ARHGEF7: variants seen among roughly 807,000 people sequenced by gnomAD.
ARHGEF7 encodes the protein PAK-interacting exchange factor beta.
A neutral mutation model predicts 109.8 loss-of-function variants in ARHGEF7; 33 were observed. The ratio of observed to expected loss-of-function variants is 0.30; its 90% confidence interval spans 0.23 to 0.40. The LOEUF is 0.40. Among genes scored for constraint, ARHGEF7 ranks in the 10% least tolerant of loss-of-function variants. ARHGEF7 has a pLI of 1.00. For synonymous variants in ARHGEF7, 458 were observed against 424.6 expected (o/e 1.08, Z -0.97); for missense variants, 938 against 1,098.5 (o/e 0.85, Z 2.07).
At chr13:111,294,046 G>C (rs1025007468) in intron 19 of ARHGEF7, 3 of 985,286 alleles carry the variant, frequency 3.0e-6, no homozygotes, top group Non-Finnish European at 3.6e-6. Flanking sequence ...CACACCATTG[G>C]AAGATTTTGT....
chr13:111,298,645 C>T (rs1373845806), intron 19 of ARHGEF7, among the ~76,000 whole-genome samples: 1 of 152,238 alleles, frequency 6.6e-6, no homozygotes, highest in Admixed American at 6.5e-5. Flanking sequence ...TCATATCTTG[C>T]AGTCCTGTCT....
In ARHGEF7 at chr13:111,292,186, C is replaced by G. The variant is rs148695680; in HGVS notation, c.2203C>G (p.Leu735Val). The stretch of plus-strand genomic sequence containing the variant: ...TGATGACCAACCAAGCCTAGACTCC[C>G]TGGGGCGTCGCAGTAGCCTTTCTCG... ...ADDDQPSLDS[L>V]GRRSSLSRLE... is the part of the protein sequence containing the mutation. The change falls in exon 19 of 22, where the codon CTG (leucine) becomes GTG (valine). Residue 735 changes from leucine (L) to valine (V), a missense_variant. Leu to Val is a conservative substitution (Grantham distance 32, BLOSUM62 1). This residue lies in a region of ARHGEF7 where 166 missense variants were observed against 167.3 expected (regional missense o/e 0.99). Transcript: ENST00000646102. 7.6e-5 allele frequency: 123 copies of G among 1,613,918 alleles called. No homozygotes were observed. The highest frequency in any genetic ancestry group is 9.4e-5 in the Non-Finnish European group (111 of 1,180,034).
intron 1 of ARHGEF7, among the ~76,000 whole-genome samples, chr13:111,118,287 G>A (rs967979533): frequency 1.2e-4 from 18 of 152,228 alleles, no homozygotes; most frequent in African/African-American, 3.9e-4. Flanking sequence ...CAGAGAGGAC[G>A]TTCACGGCGT....
chr13:111,305,341 C>T lies in ARHGEF7; in HGVS notation c.*2228C>T, dbSNP rs918064873. ...CAAGGGGGTGGGAACTTGATATAAA[C>T]GTTTAAAGGGGCCACGATTTGCCCG... On this transcript the variant is annotated 3_prime_UTR_variant, in exon 22 of 22. Transcript: ENST00000646102. 1.3e-5 allele frequency: 2 copies of T among 152,218 alleles called. No homozygotes were observed. Among genetic ancestry groups the T allele is most frequent in the South Asian group, 2.1e-4 (1 of 4,830 alleles). The allele number at this position is 152,218 out of a possible 1,614,324, so 9.4% of individuals were successfully genotyped here. A position where few individuals can be genotyped will look rare whatever the true frequency, so the allele number is the denominator to read the frequency against.
Position 111,228,706 on chromosome 13 carries a change from C to A in ARHGEF7, c.671-4499C>A, listed in dbSNP as rs1460120940. Among the ~76,000 whole-genome samples, 1 of 152,086 alleles carries A rather than the reference C, an allele frequency of 6.6e-6. No homozygotes were observed. Among genetic ancestry groups the A allele is most frequent in the Non-Finnish European group, 1.5e-5 (1 of 68,026 alleles). On this transcript the variant is annotated intron_variant, in intron 5 of 21. Coordinates refer to ENST00000646102, the MANE Select transcript of ARHGEF7 (RefSeq NM_001354046.2). The surrounding 1 kb of genome is among the most constrained non-coding windows in gnomAD (Gnocchi z 4.6). Reference sequence around the variant, plus strand: ...GTGGTTCAGGAAAGCGGCAGGCAGACACTGCTGAGCACGGGCAGACACACA... The same window carrying A: ...GTGGTTCAGGAAAGCGGCAGGCAGAAACTGCTGAGCACGGGCAGACACACA...
intron 2 of ARHGEF7, among the ~76,000 whole-genome samples, chr13:111,190,107 C>T (rs183981307): frequency 1.0e-3 from 157 of 152,190 alleles, no homozygotes; most frequent in African/African-American, 3.7e-3. Context: ...GTCCAGGGGC[C>T]CTTGGTAGAA....
At chr13:111,168,990 T>C (rs2077358820) in intron 2 of ARHGEF7, among the ~76,000 whole-genome samples, 1 of 152,244 alleles carries the variant, frequency 6.6e-6, no homozygotes, top group Admixed American at 6.5e-5. Flanking sequence ...GACCTTATCA[T>C]TTCTCTTTTA....
intron 2 of ARHGEF7, among the ~76,000 whole-genome samples, chr13:111,165,637 C>T (rs1224946708): frequency 6.6e-6 from 1 of 152,186 alleles, no homozygotes; most frequent in African/African-American, 2.4e-5. Flanking sequence ...TCTTCATTAG[C>T]TGTAGTCTGT....
At chr13:111,276,306 G>A (rs1256793587) in intron 12 of ARHGEF7, among the ~76,000 whole-genome samples, 2 of 152,070 alleles carry the variant, frequency 1.3e-5, no homozygotes, top group Non-Finnish European at 2.9e-5. Flanking sequence ...CAAAACATGC[G>A]AAATGACTCA....
At chr13:111,199,121 T>A (rs1030210761) in intron 2 of ARHGEF7, among the ~76,000 whole-genome samples, 2 of 152,164 alleles carry the variant, frequency 1.3e-5, no homozygotes, top group Non-Finnish European at 2.9e-5. Flanking sequence ...CAATATCTCA[T>A]TGGTCAGAGA....
intron 5 of ARHGEF7, among the ~76,000 whole-genome samples, chr13:111,223,094 G>A (rs1177291962): frequency 6.6e-6 from 1 of 152,202 alleles, no homozygotes; most frequent in African/African-American, 2.4e-5. Context: ...TATATATAGG[G>A]TTGGTATATA....
In ARHGEF7 at chr13:111,305,430, A is replaced by T. The variant is rs2093632503; in HGVS notation, c.*2317A>T. On this transcript the variant is annotated 3_prime_UTR_variant, in exon 22 of 22. Transcript: ENST00000646102. ...GATGAAGCCATTTCTTATCCTGTAGATGTGAAGCACTTTCAGTTTTCAGCG... is the reference window on the plus strand; with the variant it reads ...GATGAAGCCATTTCTTATCCTGTAGTTGTGAAGCACTTTCAGTTTTCAGCG... 1 of 152,222 alleles carries T rather than the reference A, an allele frequency of 6.6e-6. No homozygotes were observed. The highest frequency in any genetic ancestry group is 6.5e-5 in the Admixed American group (1 of 15,284). The allele number at this position is 152,222 out of a possible 1,614,324, so 9.4% of individuals were successfully genotyped here.
At chr13:111,302,827 A>G (rs1029353939) in intron 21 of ARHGEF7, among the ~76,000 whole-genome samples, 164 bp from the exon 22 acceptor site, 1 of 152,212 alleles carries the variant, frequency 6.6e-6, no homozygotes, top group Non-Finnish European at 1.5e-5. Context: ...CACCCTGTCC[A>G]GGTGTTTGAC....
At chr13:111,247,763 A>G (rs1399956776) in intron 8 of ARHGEF7, among the ~76,000 whole-genome samples, 1 of 151,792 alleles carries the variant, frequency 6.6e-6, no homozygotes, top group African/African-American at 2.4e-5. Flanking sequence ...TTTTTCATTC[A>G]CCCATTGTTA....
chr13:111,228,753 CTGAGTGCG>C lies in ARHGEF7; in HGVS notation c.671-4446_671-4439del, dbSNP rs2085574983. On this transcript the variant is annotated intron_variant, in intron 5 of 21. Coordinates refer to ENST00000646102, the MANE Select transcript of ARHGEF7 (RefSeq NM_001354046.2). This position sits in a 1 kb window ranked among gnomAD's most constrained non-coding sequence, Gnocchi z 4.6. ...CACACAGACATTGACTCTGTGAACT[CTGAGTGCG>C]TGAGTAACAGCCAACAAACCACGCA... 6.6e-6 allele frequency among the ~76,000 whole-genome samples: 1 copy of C among 152,026 alleles called. No homozygotes were observed. Among genetic ancestry groups the C allele is most frequent in the African/African-American group, 2.4e-5 (1 of 41,400 alleles).
At chr13:111,182,461 GAGA>G (rs1029930872) in intron 2 of ARHGEF7, 1 of 152,452 alleles carries the variant, frequency 6.6e-6, no homozygotes, top group Non-Finnish European at 1.5e-5. Context: ...CGGAGAGGAT[GAGA>G]AGGTCTTCCC....
chr13:111,206,800 AAAT>A (rs985735595), intron 3 of ARHGEF7, among the ~76,000 whole-genome samples: 16 of 151,980 alleles, frequency 1.1e-4, no homozygotes, highest in African/African-American at 2.9e-4. Flanking sequence ...TCTCAACTAA[AAAT>A]ACAAAAAAAT....
intron 6 of ARHGEF7, chr13:111,241,439 T>C (rs1266094018): frequency 1.6e-6 from 2 of 1,266,214 alleles, no homozygotes; most frequent in Non-Finnish European, 2.2e-6. Flanking sequence ...GGCCTGGCTG[T>C]GTGTTTGAGG....
intron 2 of ARHGEF7, among the ~76,000 whole-genome samples, chr13:111,175,068 A>T (rs1485483776): frequency 6.6e-6 from 1 of 152,228 alleles, no homozygotes; most frequent in Non-Finnish European, 1.5e-5. Flanking sequence ...TAGCCTTTCC[A>T]CAAGGTAGAT....
Sources: allele counts gnomAD v4.1 joint callset (sites outside exome capture counted in the v4.1 genomes callset), GRCh38; gene constraint gnomAD v4.1.1; regional missense constraint gnomAD v4.1.1; non-coding constraint Gnocchi (gnomAD v3.1); transcripts MANE v1.5; gene names NCBI Gene and HGNC (gene_info 2026-07-23, HGNC 2026-07-21).